The following ZNF23 variants were observed in gnomAD, a reference collection of about 807,000 sequenced individuals.
ZNF23 encodes kruppel-like zinc finger factor X31.
In ZNF23, 48 loss-of-function variants were observed where a neutral mutation model predicts 56.2. That is an observed-to-expected ratio of 0.85 (90% CI 0.68 to 1.09). The LOEUF (loss-of-function observed/expected upper bound fraction) is 1.09. ZNF23 is among the 50% of genes least tolerant of loss of function. The probability of loss-of-function intolerance (pLI) is 0.00; values close to 1 mark genes in which losing one functional copy is unlikely to be tolerated. For synonymous variants in ZNF23, 266 were observed against 283.3 expected, an observed-to-expected ratio of 0.94 and a Z score of 0.61; for missense variants, 805 against 811.4, an observed-to-expected ratio of 0.99 and a Z score of 0.10.
chr16:71,450,619 T>C (rs2043024114), intron 4 of ZNF23: 1 of 405,938 alleles, frequency 2.5e-6, no homozygotes, highest in African/African-American at 2.1e-5. Context: ...CTCGGGAGGA[T>C]GAGGCAGGAG....
chr16:71,459,300 G>A (rs539034304), intron 1 of ZNF23, among the ~76,000 whole-genome samples: 5 of 152,298 alleles, frequency 3.3e-5, no homozygotes, highest in Admixed American at 3.3e-4. Flanking sequence ...TTTCCCCGTC[G>A]ATCCCCCAGC....
chr16:71,453,439 G>C (rs1467116943), intron 3 of ZNF23, 89 bp from the exon 4 acceptor site: 11 of 1,022,444 alleles, frequency 1.1e-5, no homozygotes, highest in Non-Finnish European at 1.6e-5. Context: ...CTCAGCAATG[G>C]GGAGGGAAGG....
chr16:71,453,748 G>A (rs2043132232), intron 3 of ZNF23: 1 of 546,044 alleles, frequency 1.8e-6, no homozygotes, highest in Non-Finnish European at 3.3e-6. Flanking sequence ...AAGATGAGGG[G>A]GCAACTGAAG....
chr16:71,456,242 A>G (rs2043228377), intron 2 of ZNF23: 1 of 351,882 alleles, frequency 2.8e-6, no homozygotes, highest in Non-Finnish European at 5.6e-6. Flanking sequence ...TGCATCCTAA[A>G]CTTTGAAAGC....
chr16:71,448,560 T>C lies in ZNF23; in HGVS notation c.1594A>G (p.Arg532Gly). The change falls in exon 5 of 5, where the codon AGA (arginine) becomes GGA (glycine). Residue 532 changes from arginine to glycine, a missense_variant. Physicochemically the swap from Arg to Gly is moderately radical, Grantham distance 125. Coordinates refer to ENST00000647773, the MANE Select transcript of ZNF23 (RefSeq NM_001381984.1). ...ATTCGGTGATGATCAAGTAGGTTTC[T>C]TTTAGAAGTAAAGCATCTCCCACAC... ...NECGRCFTSK[R>G]NLLDHHRIHT... 7.4e-6 allele frequency: 12 copies of C among 1,613,634 alleles called. No homozygotes were observed. Among genetic ancestry groups the C allele is most frequent in the Non-Finnish European group, 1.0e-5 (12 of 1,179,906 alleles).
chr16:71,453,129 A>G lies in ZNF23; in HGVS notation c.268+114T>C, dbSNP rs527345022. ...TCTATGAATCATCAAAATTTACTCAAACTTCACTCTGTATGACTGGCCAAT... is the reference window on the plus strand; with the variant it reads ...TCTATGAATCATCAAAATTTACTCAGACTTCACTCTGTATGACTGGCCAAT... On this transcript the variant is annotated intron_variant, in intron 4 of 4. Transcript: ENST00000647773. 74 of 687,168 alleles carry G rather than the reference A, an allele frequency of 1.1e-4. 2 individuals carry two copies. The highest frequency in any genetic ancestry group is 1.7e-4 in the Non-Finnish European group (68 of 406,214). The allele number at this position is 687,168 out of a possible 1,614,324, so 42.6% of individuals were successfully genotyped here. A position where few individuals can be genotyped will look rare whatever the true frequency, so the allele number is the denominator to read the frequency against.
chr16:71,457,302 A>C (rs974319613), intron 1 of ZNF23, among the ~76,000 whole-genome samples: 9 of 151,980 alleles, frequency 5.9e-5, no homozygotes, highest in South Asian at 2.1e-4. Flanking sequence ...CGGTGGCTCA[A>C]GCCTGTAATC....
chr16:71,461,582 T>A (rs1475669396), intron 1 of ZNF23: 4 of 152,112 alleles, frequency 2.6e-5, no homozygotes, highest in African/African-American at 4.8e-5. Flanking sequence ...TAAAACTGAG[T>A]GAATTCGTAA....
intron 3 of ZNF23, 41 bp from the exon 4 acceptor site, chr16:71,453,391 C>A (rs1161893213): frequency 7.0e-7 from 1 of 1,420,182 alleles, no homozygotes; most frequent in East Asian, 2.5e-5. Context: ...GATGAATAAA[C>A]TCCCACAGAC....
chr16:71,448,345 A>C lies in ZNF23; in HGVS notation c.1809T>G (p.Phe603Leu). The change falls in exon 5 of 5, where the codon TTT (phenylalanine) becomes TTG (leucine). Residue 603 changes from phenylalanine to leucine, a missense_variant. Physicochemically the swap from Phe to Leu is conservative, Grantham distance 22 (BLOSUM62 0). Transcript: ENST00000647773. ...AGGCTTTTCCACACTCCTTACACTG[A>C]AAGGGTTTCTCTCCTGTATGGATTC... The part of the protein sequence containing the change: ...HQRIHTGEKP[F>L]QCKECGKAFH... 6.2e-7 allele frequency: 1 copy of C among 1,614,040 alleles called. No individual in the cohort carries two copies. The highest frequency in any genetic ancestry group is 2.2e-5 in the East Asian group (1 of 44,882).
At position 71,449,732 on chromosome 16, in the gene ZNF23, A is replaced by G. The variant is rs1160678297; in HGVS notation, c.422T>C (p.Ile141Thr). The change falls in exon 5 of 5, where the codon ATA becomes ACA. Residue 141 changes from isoleucine to threonine, a missense_variant. Coordinates refer to ENST00000647773, the MANE Select transcript of ZNF23 (RefSeq NM_001381984.1). ...KQQEVHSAGNIKKEKSNTIDG... is the reference protein window; with the variant it reads ...KQQEVHSAGNTKKEKSNTIDG... ...AATGGTGTTGCTCTTCTCCTTCTTT[A>G]TATTTCCTGCTGAGTGGACTTCCTG... 23 of 1,613,884 alleles carry G rather than the reference A, an allele frequency of 1.4e-5. No individual in the cohort carries two copies. Among genetic ancestry groups the G allele is most frequent in the Non-Finnish European group, 1.9e-5 (22 of 1,180,022 alleles).
intron 1 of ZNF23, among the ~76,000 whole-genome samples, chr16:71,460,335 C>G (rs1444659711): frequency 6.6e-6 from 1 of 151,584 alleles, no homozygotes; most frequent in Non-Finnish European, 1.5e-5. Context: ...TTTTTAAATA[C>G]GATTCCAGGT....
intron 1 of ZNF23, among the ~76,000 whole-genome samples, chr16:71,457,360 C>G (rs912681289): frequency 6.6e-6 from 1 of 152,146 alleles, no homozygotes; most frequent in Non-Finnish European, 1.5e-5. Flanking sequence ...GTCAGGAGAT[C>G]AAGACCATCC....
Position 71,448,169 on chromosome 16 carries a change from C to G in ZNF23, c.1985G>C (p.Ser662Thr), listed in dbSNP as rs146885834. The G allele has an allele frequency of 3.8e-5, 62 of 1,614,080 alleles. No individual in the cohort carries two copies. Among genetic ancestry groups the G allele is most frequent in the Non-Finnish European group, 4.5e-5 (53 of 1,180,022 alleles). Residue 662 changes from serine to threonine, a missense_variant, in exon 5 of 5, where the codon AGT (serine) becomes ACT (threonine). By Grantham distance (58) the Ser-to-Thr change is moderately conservative. Coordinates refer to ENST00000647773, the MANE Select transcript of ZNF23 (RefSeq NM_001381984.1). ...VHTWKKPYMC[S>T]VCGKAFRFSF... ...AAACCTGAATGCTTTCCCACACACA[C>G]TACACATATAGGGTTTCTTCCAAGT...
At chr16:71,460,845 C>T (rs914493779) in intron 1 of ZNF23, among the ~76,000 whole-genome samples, 5 of 151,902 alleles carry the variant, frequency 3.3e-5, no homozygotes, top group African/African-American at 1.2e-4. Context: ...GTAGGAAGTA[C>T]GTACAAAAAT....
intron 3 of ZNF23, 24 bp downstream of exon 3, chr16:71,454,018 G>GTTCCCAGGGTAGAGAGGTCT (rs752068489): frequency 1.2e-6 from 2 of 1,613,756 alleles, no homozygotes; most frequent in Non-Finnish European, 1.7e-6. Flanking sequence ...CAGATTCCAG[G>GTTCCCAGGGTAGAGAGGTCT]TTCCCAGGGT....
chr16:71,460,487 C>T (rs1050432290), intron 1 of ZNF23, among the ~76,000 whole-genome samples: 4 of 152,172 alleles, frequency 2.6e-5, no homozygotes, highest in Admixed American at 1.3e-4. Flanking sequence ...TTCAATGTTT[C>T]GGAAATGAGT....
In ZNF23 at chr16:71,448,391, G is replaced by C. The variant is rs1477365717; in HGVS notation, c.1763C>G (p.Ser588Cys). ...MECEKAFSCS[S>C]NYIVHQRIHT... ...GATTCTCTGGTGCACAATATAGTTA[G>C]AACTACAGCTGAATGCTTTCTCACA... Residue 588 changes from serine (S) to cysteine (C), a missense_variant, in exon 5 of 5, where the codon TCT becomes TGT. Coordinates refer to ENST00000647773, the MANE Select transcript of ZNF23 (RefSeq NM_001381984.1). The C allele has an allele frequency of 6.8e-6, 11 of 1,614,028 alleles. No individual in the cohort carries two copies. The Admixed American group carries it at 1.7e-4, about 24-fold the overall frequency.
intron 1 of ZNF23, among the ~76,000 whole-genome samples, chr16:71,457,746 T>C (rs2043291875): frequency 6.6e-6 from 1 of 151,894 alleles, no homozygotes; most frequent in African/African-American, 2.4e-5. Flanking sequence ...AAAATAAAAA[T>C]AAAATAAAAT....
Sources: allele counts gnomAD v4.1 joint callset (sites outside exome capture counted in the v4.1 genomes callset), GRCh38; gene constraint gnomAD v4.1.1; transcripts MANE v1.5; gene names NCBI Gene and HGNC (gene_info 2026-07-23, HGNC 2026-07-21).